The following SNX29 variants were observed in gnomAD, a reference collection of about 807,000 sequenced individuals.
SNX29 encodes the protein sorting nexin-29.
Under a neutral mutation model 102.1 loss-of-function variants are expected in SNX29, and 78 were observed. The observed-to-expected ratio is 0.76, with a 90% CI of 0.64 to 0.92. The LOEUF is 0.92. SNX29 is among the 40% of genes least tolerant of loss of function. SNX29 has a pLI of 0.00. For synonymous variants in SNX29, 580 were observed against 414.5 expected, an observed-to-expected ratio of 1.40 and a Z score of -4.85; for missense variants, 1,280 against 1,061.7, an observed-to-expected ratio of 1.21 and a Z score of -2.86.
Position 12,281,517 on chromosome 16 carries a change from C to A in SNX29, c.1782+3481C>A, listed in dbSNP as rs990713194. ...CCCTGTGGTTGTTAACTCAGGAAAA[C>A]AAGGAGGACAGGAGAATTCTGGCAG... On this transcript the variant is annotated intron_variant, in intron 15 of 20. Transcript: ENST00000566228. Among the ~76,000 whole-genome samples, 4 of 152,204 alleles carry A rather than the reference C, an allele frequency of 2.6e-5. No individual in the cohort carries two copies. In the East Asian group the frequency reaches 5.8e-4, roughly 22 times the overall value.
At chr16:12,003,141 C>T (rs2056347591) in intron 3 of SNX29, 98 bp downstream of exon 3, 46 of 1,443,558 alleles carry the variant, frequency 3.2e-5, no homozygotes, top group Middle Eastern at 4.8e-4. Context: ...GTTGGAAAGG[C>T]GGCAGAAGGC....
intron 19 of SNX29, among the ~76,000 whole-genome samples, chr16:12,484,308 CT>C (rs1597561811): frequency 6.6e-6 from 1 of 152,316 alleles, no homozygotes; most frequent in Non-Finnish European, 1.5e-5. Flanking sequence ...ACCACTGCCC[CT>C]GGCTCCTGTT....
intron 11 of SNX29, among the ~76,000 whole-genome samples, chr16:12,126,094 G>A (rs745417618): frequency 5.9e-5 from 9 of 152,122 alleles, no homozygotes; most frequent in Non-Finnish European, 1.3e-4. Flanking sequence ...CAAGGTTGAG[G>A]TATACAGGAG....
chr16:12,390,651 T>A (rs577425480), intron 16 of SNX29, among the ~76,000 whole-genome samples: 1 of 152,162 alleles, frequency 6.6e-6, no homozygotes, highest in Non-Finnish European at 1.5e-5. Context: ...AAAACCACCA[T>A]GCCCTCAGCG....
At chr16:12,241,695 C>G (rs1221770804) in intron 14 of SNX29, among the ~76,000 whole-genome samples, 2 of 152,138 alleles carry the variant, frequency 1.3e-5, no homozygotes, top group Non-Finnish European at 1.5e-5. Context: ...CTCCTGACCT[C>G]AAGTGATCCG....
intron 20 of SNX29, among the ~76,000 whole-genome samples, chr16:12,559,743 T>A (rs565733994): frequency 2.0e-5 from 3 of 152,176 alleles, no homozygotes; most frequent in African/African-American, 7.2e-5. Context: ...GAAATAGTGA[T>A]GCCCAGCCTG....
chr16:12,336,321 A>G (rs1033053672), intron 15 of SNX29, among the ~76,000 whole-genome samples: 3 of 152,210 alleles, frequency 2.0e-5, no homozygotes, highest in African/African-American at 7.2e-5. Context: ...CAGAAGCCGT[A>G]AATAAATTTG....
intron 18 of SNX29, among the ~76,000 whole-genome samples, chr16:12,460,191 C>T (rs1227131257): frequency 6.6e-6 from 1 of 152,206 alleles, no homozygotes; most frequent in East Asian, 1.9e-4. Context: ...AATGAGACTT[C>T]ATCACCCAAC....
At chr16:12,349,365 T>A (rs1026097522) in intron 15 of SNX29, among the ~76,000 whole-genome samples, 6 of 152,258 alleles carry the variant, frequency 3.9e-5, no homozygotes. Context: ...TGTCTAGTGC[T>A]AGATCTGGAC....
chr16:12,114,942 CAT>C (rs1332438426), intron 11 of SNX29, among the ~76,000 whole-genome samples: 4 of 152,180 alleles, frequency 2.6e-5, no homozygotes, highest in African/African-American at 9.7e-5. Flanking sequence ...ATAATTGACA[CAT>C]AGTTTCACCC....
intron 8 of SNX29, among the ~76,000 whole-genome samples, chr16:12,059,976 T>C (rs1420711549): frequency 6.6e-6 from 1 of 152,182 alleles, no homozygotes; most frequent in East Asian, 1.9e-4. Context: ...GCCCCCGCAC[T>C]TCCCTTCTTA....
At chr16:12,020,493 C>T (rs1255926271) in intron 3 of SNX29, among the ~76,000 whole-genome samples, 3 of 151,646 alleles carry the variant, frequency 2.0e-5, no homozygotes, top group Non-Finnish European at 2.9e-5. Context: ...TGAGCAACTG[C>T]GCCCCACCTG....
intron 13 of SNX29, among the ~76,000 whole-genome samples, chr16:12,130,974 G>C (rs1412323315): frequency 6.6e-6 from 1 of 152,050 alleles, no homozygotes; most frequent in Non-Finnish European, 1.5e-5. Flanking sequence ...CCTTTGCATT[G>C]GTTGTTTTTT....
In SNX29 at chr16:12,380,784, C is replaced by CCCATCATCCAT. The variant is rs1555524379; in HGVS notation, c.1900-17657_1900-17656insATCCATCCATC. Among the ~76,000 whole-genome samples, 60 of 60,214 alleles carry CCCATCATCCAT rather than the reference C, an allele frequency of 1.0e-3. 1 individual carries two copies. Among genetic ancestry groups the CCCATCATCCAT allele is most frequent in the African/African-American group, 2.7e-3 (59 of 21,596 alleles). The allele number at this position is 60,214 out of a possible 152,430, so 39.5% of individuals were successfully genotyped here. ...CACCCACCCACCATCCATCCATCCA[C>CCCATCATCCAT]CCATCCACCCACACACCATCCATCC... On this transcript the variant is annotated intron_variant, in intron 16 of 20. Transcript: ENST00000566228.
intron 13 of SNX29, among the ~76,000 whole-genome samples, chr16:12,167,779 A>T (rs1339197819): frequency 6.6e-6 from 1 of 152,174 alleles, no homozygotes; most frequent in Admixed American, 6.5e-5. Context: ...TTTCAGTGTG[A>T]TTCTACATCA....
At chr16:12,545,302 C>G (rs1180463979) in intron 20 of SNX29, among the ~76,000 whole-genome samples, 2 of 152,074 alleles carry the variant, frequency 1.3e-5, no homozygotes, top group Admixed American at 6.6e-5. Flanking sequence ...CTCTTTACAT[C>G]TGGAAGACTC....
Position 12,568,955 on chromosome 16 carries a change from AG to A in SNX29, c.*328del. The A allele has an allele frequency of 2.6e-6, 1 of 384,934 alleles. No individual in the cohort carries two copies. The highest frequency in any genetic ancestry group is 4.6e-5 in the East Asian group (1 of 21,886). The allele number at this position is 384,934 out of a possible 1,614,324, so 23.8% of individuals were successfully genotyped here. ...CTGGCAGGAGGGTGGGCACCAGGTC[AG>A]GCTGGGTGCGCCATGGTTGAGAGGC... On this transcript the variant is annotated 3_prime_UTR_variant, in exon 21 of 21. Transcript: ENST00000566228.
intron 14 of SNX29, among the ~76,000 whole-genome samples, chr16:12,225,758 G>C (rs532764453): frequency 2.0e-5 from 3 of 152,196 alleles, no homozygotes; most frequent in Non-Finnish European, 2.9e-5. Context: ...GATTTGACCA[G>C]ATCTCAGCAA....
At chr16:12,406,497 G>A (rs779645799) in intron 18 of SNX29, among the ~76,000 whole-genome samples, 1 of 152,192 alleles carries the variant, frequency 6.6e-6, no homozygotes, top group East Asian at 1.9e-4. Context: ...ACATAAATTC[G>A]ACTGGAGAGC....
Sources: gnomAD v4.1 joint callset for allele counts (sites outside exome capture counted in the v4.1 genomes callset) on GRCh38, gnomAD v4.1.1 for gene constraint, MANE v1.5 for transcripts, NCBI Gene and HGNC (gene_info 2026-07-23, HGNC 2026-07-21) for gene names.